Variants in LYPLAL1 observed in about 807,000 individuals in gnomAD.
The protein encoded by LYPLAL1 is lysophospholipase-like protein 1.
A neutral mutation model predicts 19.7 loss-of-function variants in LYPLAL1; 23 were observed. The observed-to-expected ratio is 1.17, with a 90% CI of 0.84 to 1.65. The LOEUF is 1.65. Ranked by LOEUF, LYPLAL1 falls within the 40% of genes most tolerant of loss-of-function variation. LYPLAL1 has a pLI of 0.00. For synonymous variants in LYPLAL1, 119 were observed against 96.3 expected (o/e 1.24, Z -1.38); for missense variants, 355 against 279.4 (o/e 1.27, Z -1.93).
At position 219,179,301 on chromosome 1, in the gene LYPLAL1, T is replaced by G. The variant is rs77057255; in HGVS notation, c.191+55T>G. The G allele has an allele frequency of 7.6e-4, 939 of 1,239,260 alleles. 2 individuals are homozygous for G. Among genetic ancestry groups the G allele is most frequent in the African/African-American group, 2.4e-3 (155 of 65,592 alleles). 76.8% of individuals were successfully genotyped at this position (1,239,260 alleles called of 1,614,324 possible). A position where few individuals can be genotyped will look rare whatever the true frequency, so the allele number is the denominator to read the frequency against. Reference sequence around the variant, plus strand: ...ATAACTCTGTGGCATAAAATATATATAGAGAGATGTGCCAGCTAGGTGTTC... The same window carrying G: ...ATAACTCTGTGGCATAAAATATATAGAGAGAGATGTGCCAGCTAGGTGTTC... On this transcript the variant is annotated intron_variant, in intron 2 of 4. Transcript: ENST00000366928.
the LYPLAL1 span, chr1:219,437,290 C>T: frequency 6.6e-6 from 1 of 152,332 alleles, no homozygotes; most frequent in Non-Finnish European, 1.5e-5. Context: ...CTCACACCAT[C>T]TTTCCATGTT....
the LYPLAL1 span, chr1:219,273,308 ATCAGATGATG>A: frequency 1.3e-5 from 2 of 152,226 alleles, no homozygotes; most frequent in African/African-American, 4.8e-5. Flanking sequence ...TCTTGTATCT[ATCAGATGATG>A]TCATGCAGAA....
the LYPLAL1 span, among the ~76,000 whole-genome samples, chr1:219,235,952 A>G: frequency 5.3e-5 from 8 of 152,240 alleles, no homozygotes; most frequent in Non-Finnish European, 7.3e-5. Context: ...GAGCTTAAAT[A>G]AGCATTAGCA....
At chr1:219,279,120 G>A in the LYPLAL1 span, among the ~76,000 whole-genome samples, 61 of 152,238 alleles carry the variant, frequency 4.0e-4, no homozygotes, top group South Asian at 0.012. Flanking sequence ...AAAGCATGAA[G>A]GGCTCGTGCG....
At chr1:219,208,323 T>A (rs1308043810) in intron 3 of LYPLAL1, among the ~76,000 whole-genome samples, 1 of 152,114 alleles carries the variant, frequency 6.6e-6, no homozygotes, top group Non-Finnish European at 1.5e-5. Context: ...ATCTAGAGAT[T>A]AGTCCATCTA....
chr1:219,259,677 C>A, the LYPLAL1 span, among the ~76,000 whole-genome samples: 3 of 151,158 alleles, frequency 2.0e-5, no homozygotes, highest in Admixed American at 1.3e-4. Flanking sequence ...AAAGACTATA[C>A]CCTGGGTATA....
chr1:219,309,268 T>C, the LYPLAL1 span, among the ~76,000 whole-genome samples: 12 of 152,232 alleles, frequency 7.9e-5, no homozygotes, highest in African/African-American at 2.7e-4. Context: ...ACCCCCATTG[T>C]ATCTAGGAAG....
chr1:219,429,241 C>T, the LYPLAL1 span, among the ~76,000 whole-genome samples: 1 of 152,276 alleles, frequency 6.6e-6, no homozygotes, highest in South Asian at 2.1e-4. Context: ...GCTCGTAATT[C>T]GGATCTCATC....
the LYPLAL1 span, among the ~76,000 whole-genome samples, chr1:219,258,484 TCTAC>T: frequency 2.0e-5 from 3 of 152,104 alleles, no homozygotes; most frequent in African/African-American, 7.2e-5. Flanking sequence ...CATATTTTCC[TCTAC>T]CTTTTTACTT....
At position 219,208,690 on chromosome 1, in the gene LYPLAL1, G is replaced by C. The variant is rs182425305; in HGVS notation, c.362-1842G>C. On this transcript the variant is annotated intron_variant, in intron 3 of 4. Coordinates refer to ENST00000366928, the MANE Select transcript of LYPLAL1 (RefSeq NM_138794.5). ...GAAAAACTGTTTCTTACCCTTAAGG[G>C]TTTCAAAATCTCAATAATTTATATT... Among the ~76,000 whole-genome samples the C allele has an allele frequency of 7.6e-3, 1,149 of 151,702 alleles. 4 individuals are homozygous for C. The highest frequency in any genetic ancestry group is 0.023 in the South Asian group (111 of 4,784).
the LYPLAL1 span, chr1:219,272,850 TAGAATC>T: frequency 6.7e-6 from 1 of 150,334 alleles, no homozygotes; most frequent in African/African-American, 2.4e-5. Context: ...AAAAGAAAAT[TAGAATC>T]GGAATTGCTG....
At chr1:219,423,488 TG>T in the LYPLAL1 span, among the ~76,000 whole-genome samples, 1 of 152,216 alleles carries the variant, frequency 6.6e-6, no homozygotes, top group Admixed American at 6.5e-5. Context: ...AATGAATTTT[TG>T]AGTGAGATAT....
the LYPLAL1 span, among the ~76,000 whole-genome samples, chr1:219,328,704 G>A: frequency 6.6e-6 from 1 of 152,052 alleles, no homozygotes; most frequent in Non-Finnish European, 1.5e-5. Context: ...ATTATATACA[G>A]TATCTATATC....
the LYPLAL1 span, among the ~76,000 whole-genome samples, chr1:219,329,298 A>G: frequency 6.6e-6 from 1 of 152,200 alleles, no homozygotes; most frequent in Non-Finnish European, 1.5e-5. Context: ...AAATATGAAA[A>G]GTCTTAACAT....
At chr1:219,235,214 T>C in the LYPLAL1 span, among the ~76,000 whole-genome samples, 1 of 152,190 alleles carries the variant, frequency 6.6e-6, no homozygotes, top group Non-Finnish European at 1.5e-5. Context: ...GAGATAACCA[T>C]ACTATTAAAT....
chr1:219,219,657 A>G, the LYPLAL1 span, among the ~76,000 whole-genome samples: 2 of 152,188 alleles, frequency 1.3e-5, no homozygotes, highest in South Asian at 2.1e-4. Flanking sequence ...AGTGACAACT[A>G]TTATTCTATG....
chr1:219,375,796 C>T, the LYPLAL1 span, among the ~76,000 whole-genome samples: 1 of 146,616 alleles, frequency 6.8e-6, no homozygotes, highest in East Asian at 2.0e-4. Context: ...GGCTGGAGTA[C>T]AGTGGCGCGA....
the LYPLAL1 span, among the ~76,000 whole-genome samples, chr1:219,244,895 T>G: frequency 7.5e-6 from 1 of 133,624 alleles, no homozygotes; most frequent in Non-Finnish European, 1.5e-5. Context: ...TGCAGTGAGA[T>G]GAGATCATGC....
the LYPLAL1 span, among the ~76,000 whole-genome samples, chr1:219,347,769 A>T: frequency 6.6e-6 from 1 of 151,948 alleles, no homozygotes; most frequent in South Asian, 2.1e-4. Context: ...TGTCAGAAAA[A>T]CTTCTTTCAC....
Sources: allele counts gnomAD v4.1 joint callset (sites outside exome capture counted in the v4.1 genomes callset), GRCh38; gene constraint gnomAD v4.1.1; transcripts MANE v1.5; gene names NCBI Gene and HGNC (gene_info 2026-07-23, HGNC 2026-07-21).